Variants in GRK5 observed in about 807,000 individuals in gnomAD.
The protein encoded by GRK5 is g protein-coupled receptor kinase GRK5.
GRK5 carries 40 observed loss-of-function variants against 78.4 expected under a neutral mutation model. That is an observed-to-expected ratio of 0.51 (90% CI 0.40 to 0.66). The LOEUF (loss-of-function observed/expected upper bound fraction) is 0.66, where lower values mean the gene tolerates loss of function less well. Ranked by LOEUF, GRK5 falls within the 30% of genes least tolerant of loss-of-function variation. GRK5 has a pLI of 0.00. For synonymous variants in GRK5, 289 were observed against 296.8 expected, an observed-to-expected ratio of 0.97 and a Z score of 0.27; for missense variants, 598 against 759.9, an observed-to-expected ratio of 0.79 and a Z score of 2.50.
chr10:119,458,103 G>A lies in GRK5; in HGVS notation c.*3036G>A, dbSNP rs746332949. 9 of 152,212 alleles carry A rather than the reference G, an allele frequency of 5.9e-5. No homozygotes were observed. Among genetic ancestry groups the A allele is most frequent in the Non-Finnish European group, 1.0e-4 (7 of 68,046 alleles). 9.4% of individuals were successfully genotyped at this position (152,212 alleles called of 1,614,324 possible). A position where few individuals can be genotyped will look rare whatever the true frequency, so the allele number is the denominator to read the frequency against. ...TTGGACGGTGAACGGATTTACTCTC[G>A]TTCATGCATTTGAGCGCTTCACAGA... On this transcript the variant is annotated 3_prime_UTR_variant, in exon 16 of 16. Transcript: ENST00000392870.
At chr10:119,310,800 C>T (rs543370341) in intron 1 of GRK5, among the ~76,000 whole-genome samples, 16 of 152,264 alleles carry the variant, frequency 1.1e-4, no homozygotes, top group African/African-American at 1.7e-4. Flanking sequence ...ATTTTCGAAT[C>T]GACCCTTATA....
chr10:119,248,165 C>CCA (rs1377267053), intron 1 of GRK5, among the ~76,000 whole-genome samples: 1 of 152,148 alleles, frequency 6.6e-6, no homozygotes, highest in Non-Finnish European at 1.5e-5. Context: ...GCATGTACCA[C>CCA]CACACCCAGC....
intron 1 of GRK5, among the ~76,000 whole-genome samples, chr10:119,240,912 A>T (rs1233232042): frequency 6.6e-6 from 1 of 152,184 alleles, no homozygotes; most frequent in East Asian, 1.9e-4. Context: ...GAAAGGCAAA[A>T]GGACCATGAC....
chr10:119,384,521 C>T (rs1030890901), intron 3 of GRK5, among the ~76,000 whole-genome samples: 2 of 152,194 alleles, frequency 1.3e-5, no homozygotes, highest in African/African-American at 4.8e-5. Flanking sequence ...TAGGTAGAGA[C>T]TACATGAGTT....
At chr10:119,426,608 C>T (rs566790853) in intron 6 of GRK5, among the ~76,000 whole-genome samples, 28 of 152,308 alleles carry the variant, frequency 1.8e-4, no homozygotes, top group Admixed American at 1.0e-3. Flanking sequence ...GCAGGTGTTC[C>T]GCAAAGCTCA....
intron 1 of GRK5, among the ~76,000 whole-genome samples, chr10:119,261,522 C>G (rs571400218): frequency 9.7e-4 from 148 of 151,958 alleles, no homozygotes; most frequent in African/African-American, 3.0e-3. Context: ...GCTGCAATCT[C>G]GGCACTTTGG....
chr10:119,419,267 T>G (rs1852523072), intron 4 of GRK5, among the ~76,000 whole-genome samples: 1 of 152,202 alleles, frequency 6.6e-6, no homozygotes, highest in Non-Finnish European at 1.5e-5. Context: ...CCTTGTTTCT[T>G]ACACGGTGTA....
In GRK5 at chr10:119,448,258, G is replaced by T; in HGVS notation, c.1402G>T (p.Asp468Tyr). ...GATGTTGGACCCTCCCTTCGTTCCA[G>T]ACGTGAGTAGCCTCCCCCAGCCCCC... is the stretch of plus-strand genomic sequence containing the variant. The part of the protein sequence containing the change: ...AGMLDPPFVP[D>Y]PRAVYCKDVL... The change falls in exon 13 of 16, where the codon GAC (aspartate) becomes TAC (tyrosine). Residue 468 changes from aspartate (D) to tyrosine (Y), a missense_variant and splice_region_variant. Asp to Tyr is a radical substitution (Grantham distance 160). Coordinates refer to ENST00000392870, the MANE Select transcript of GRK5 (RefSeq NM_005308.3). 1 of 1,590,542 alleles carries T rather than the reference G, an allele frequency of 6.3e-7. No individual in the cohort carries two copies. Among genetic ancestry groups the T allele is most frequent in the Non-Finnish European group, 8.5e-7 (1 of 1,170,840 alleles).
Position 119,431,976 on chromosome 10 carries a change from G to A in GRK5, c.738+449G>A, listed in dbSNP as rs908957346. Among the ~76,000 whole-genome samples the A allele has an allele frequency of 2.6e-5, 4 of 152,246 alleles. No individual in the cohort carries two copies. Among genetic ancestry groups the A allele is most frequent in the Admixed American group, 2.6e-4 (4 of 15,286 alleles). Reference sequence around the variant, plus strand: ...TAGTCAGTCTAGGCTGGGCCCTGCTGCAGTAACACATTTGCCCCAAACCCT... The same window carrying A: ...TAGTCAGTCTAGGCTGGGCCCTGCTACAGTAACACATTTGCCCCAAACCCT... On this transcript the variant is annotated intron_variant, in intron 8 of 15. Transcript: ENST00000392870. This position sits in a 1 kb window ranked among gnomAD's most constrained non-coding sequence, Gnocchi z 4.8.
intron 3 of GRK5, among the ~76,000 whole-genome samples, chr10:119,388,485 C>T (rs965191806): frequency 3.8e-4 from 58 of 152,014 alleles, no homozygotes; most frequent in Admixed American, 5.9e-4. Context: ...TACAGGTGTG[C>T]GCCACTATGC....
intron 3 of GRK5, among the ~76,000 whole-genome samples, chr10:119,384,522 T>C (rs1424834158): frequency 3.9e-5 from 6 of 152,338 alleles, no homozygotes; most frequent in Non-Finnish European, 5.9e-5. Flanking sequence ...AGGTAGAGAC[T>C]ACATGAGTTC....
At chr10:119,273,168 G>C (rs1849612848) in intron 1 of GRK5, among the ~76,000 whole-genome samples, 1 of 152,190 alleles carries the variant, frequency 6.6e-6, no homozygotes, top group Non-Finnish European at 1.5e-5. Context: ...AGATTACATG[G>C]GGTCATGAGT....
rs1376822977 is a variant in GRK5, at chr10:119,217,561, C to T, written c.52+9592C>T. Among the ~76,000 whole-genome samples the T allele has an allele frequency of 1.3e-5, 2 of 152,228 alleles. No individual in the cohort carries two copies. Among genetic ancestry groups the T allele is most frequent in the South Asian group, 2.1e-4 (1 of 4,832 alleles). ...GCCAGCCTCTTGCGTTATTTTTCCCCTCAGCATGGCTAGTGGCCAACGAAT... is the reference window on the plus strand; with the variant it reads ...GCCAGCCTCTTGCGTTATTTTTCCCTTCAGCATGGCTAGTGGCCAACGAAT... On this transcript the variant is annotated intron_variant, in intron 1 of 15. Transcript: ENST00000392870. This position sits in a 1 kb window ranked among gnomAD's most constrained non-coding sequence, Gnocchi z 4.1.
At chr10:119,274,394 G>A (rs893528874) in intron 1 of GRK5, among the ~76,000 whole-genome samples, 2 of 152,240 alleles carry the variant, frequency 1.3e-5, no homozygotes, top group Non-Finnish European at 2.9e-5. Flanking sequence ...GCGCACTGGC[G>A]AGAGGCGTAC....
chr10:119,446,820 A>G (rs1158670167), intron 12 of GRK5, among the ~76,000 whole-genome samples: 1 of 152,154 alleles, frequency 6.6e-6, no homozygotes, highest in African/African-American at 2.4e-5. Context: ...CTGAGCCCCA[A>G]GAGGCCAGTC....
intron 1 of GRK5, among the ~76,000 whole-genome samples, chr10:119,262,463 C>T (rs1044627441): frequency 6.0e-5 from 9 of 150,800 alleles, no homozygotes; most frequent in Admixed American, 1.3e-4. Flanking sequence ...CTCAGCCCCC[C>T]GAGTAGCTGG....
chr10:119,277,466 C>T (rs1849688866), intron 1 of GRK5, among the ~76,000 whole-genome samples: 1 of 148,584 alleles, frequency 6.7e-6, no homozygotes, highest in African/African-American at 2.5e-5. Flanking sequence ...GGAGGCTACA[C>T]CCCTCTCCCC....
chr10:119,430,532 T>TC lies in GRK5; in HGVS notation c.597+99dup. ...TCAACCTAAAGGGTTGGCCCACGGGTCCCCCGGGGGCACCAGTGGCTCAAT... is the reference window on the plus strand; with the variant it reads ...TCAACCTAAAGGGTTGGCCCACGGGTCCCCCCGGGGGCACCAGTGGCTCAAT... On this transcript the variant is annotated intron_variant, in intron 7 of 15. Transcript: ENST00000392870. This position sits in a 1 kb window ranked among gnomAD's most constrained non-coding sequence, Gnocchi z 4.5. 1 of 1,128,776 alleles carries TC rather than the reference T, an allele frequency of 8.9e-7. No individual in the cohort carries two copies. The highest frequency in any genetic ancestry group is 1.4e-5 in the South Asian group (1 of 71,596). The allele number at this position is 1,128,776 out of a possible 1,614,324, so 69.9% of individuals were successfully genotyped here.
chr10:119,390,369 G>A (rs1320498987), intron 3 of GRK5, among the ~76,000 whole-genome samples: 1 of 152,188 alleles, frequency 6.6e-6, no homozygotes, highest in African/African-American at 2.4e-5. Context: ...AAGAGAGCGT[G>A]TGCAGCAGAA....
Sources: gnomAD v4.1 joint callset for allele counts (sites outside exome capture counted in the v4.1 genomes callset) on GRCh38, gnomAD v4.1.1 for gene constraint, Gnocchi (gnomAD v3.1) non-coding constraint, MANE v1.5 for transcripts, NCBI Gene and HGNC (gene_info 2026-07-23, HGNC 2026-07-21) for gene names.